The following ADCY8 variants were observed in gnomAD, a reference collection of about 807,000 sequenced individuals.
The protein encoded by ADCY8 is adenylate cyclase 8.
Under a neutral mutation model 119.7 loss-of-function variants are expected in ADCY8, and 51 were observed. That is an observed-to-expected ratio of 0.43 (90% CI 0.34 to 0.54). ADCY8 has a LOEUF of 0.54. ADCY8 is among the 20% of genes least tolerant of loss of function. The pLI is 0.03. For missense variants in ADCY8, 1,383 were observed against 1,598.8 expected (o/e 0.87, Z 2.30); for synonymous variants, 665 against 651.0 (o/e 1.02, Z -0.33).
At chr8:131,035,276 A>T in intron 1 of ADCY8, among the ~76,000 whole-genome samples, 1 of 152,298 alleles carries the variant, frequency 6.6e-6, no homozygotes, top group East Asian at 1.9e-4. Context: ...GCTAAGTCAG[A>T]GTGAAATAAA....
At chr8:130,918,291 C>T (rs989116833) in intron 5 of ADCY8, among the ~76,000 whole-genome samples, 1 of 152,158 alleles carries the variant, frequency 6.6e-6, no homozygotes, top group Non-Finnish European at 1.5e-5. Context: ...TGGCTGCCTT[C>T]CTACTGTGCC....
chr8:130,854,458 T>G (rs759417169), intron 9 of ADCY8, among the ~76,000 whole-genome samples: 7 of 152,206 alleles, frequency 4.6e-5, no homozygotes, highest in Non-Finnish European at 5.9e-5. Flanking sequence ...TAGCAGCTTG[T>G]GGTGCAATAG....
At chr8:131,018,561 G>A (rs1259656219) in intron 1 of ADCY8, among the ~76,000 whole-genome samples, 1 of 152,218 alleles carries the variant, frequency 6.6e-6, no homozygotes, top group Non-Finnish European at 1.5e-5. Flanking sequence ...CCATCATGAT[G>A]CTTTCCCTGC....
chr8:130,968,468 G>A (rs1460615531), intron 2 of ADCY8, among the ~76,000 whole-genome samples: 1 of 152,132 alleles, frequency 6.6e-6, no homozygotes, highest in Non-Finnish European at 1.5e-5. Context: ...ACCGCACCCG[G>A]CCAGTTATTC....
rs765672223 is a variant in ADCY8 at position 130,814,101 on chromosome 8, G to A, written c.2881C>T (p.Arg961Cys). The A allele has an allele frequency of 1.1e-4, 171 of 1,613,956 alleles. 2 individuals carry two copies. The highest frequency in any genetic ancestry group is 3.3e-4 in the Middle Eastern group (2 of 6,076). Reference protein sequence around the residue: ...LRNILPSHVARHFLEKDRDNE... With the variant: ...LRNILPSHVACHFLEKDRDNE... ...TCTCGGTCCTTCTCTAGGAAATGGCGGGCCACATGGCTGGGTAAGATATTC... is the reference window on the plus strand; with the variant it reads ...TCTCGGTCCTTCTCTAGGAAATGGCAGGCCACATGGCTGGGTAAGATATTC... The change falls in exon 14 of 18, where the codon CGC (arginine) becomes TGC (cysteine). Residue 961 changes from arginine to cysteine, a missense_variant. Arg to Cys is a radical substitution (Grantham distance 180). Transcript: ENST00000286355.
At chr8:130,813,758 T>C (rs566043017) in intron 14 of ADCY8, among the ~76,000 whole-genome samples, 1 of 152,346 alleles carries the variant, frequency 6.6e-6, no homozygotes, top group African/African-American at 2.4e-5. Flanking sequence ...GTGAAATTGT[T>C]GTGTATATAT....
chr8:130,830,658 C>T (rs1816807222), intron 12 of ADCY8, among the ~76,000 whole-genome samples: 1 of 152,204 alleles, frequency 6.6e-6, no homozygotes, highest in African/African-American at 2.4e-5. Context: ...CCCCAGACAA[C>T]ATAGCCACTT....
chr8:130,984,153 G>T (rs984598046), intron 2 of ADCY8, among the ~76,000 whole-genome samples: 5 of 152,044 alleles, frequency 3.3e-5, no homozygotes, highest in Non-Finnish European at 7.4e-5. Flanking sequence ...TCCCTGTGTG[G>T]GACAGAGGAG....
At chr8:130,930,900 C>G (rs1820611595) in intron 5 of ADCY8, among the ~76,000 whole-genome samples, 1 of 152,014 alleles carries the variant, frequency 6.6e-6, no homozygotes, top group Non-Finnish European at 1.5e-5. Flanking sequence ...AAGCTTTCTA[C>G]CCTTTTATCT....
At chr8:130,801,504 T>C (rs724366) in intron 14 of ADCY8, among the ~76,000 whole-genome samples, 38,967 of 152,112 alleles carry the variant, frequency 0.26, 5,027 homozygotes, top group East Asian at 0.28. Flanking sequence ...CTTTTCTTTC[T>C]CATTTCTTTC....
intron 3 of ADCY8, among the ~76,000 whole-genome samples, chr8:130,947,778 T>G (rs569631803): frequency 6.6e-6 from 1 of 152,266 alleles, no homozygotes; most frequent in South Asian, 2.1e-4. Context: ...TCAGCAAATG[T>G]GCAAATGTAC....
intron 5 of ADCY8, among the ~76,000 whole-genome samples, chr8:130,918,513 TA>T (rs1820198792): frequency 6.6e-6 from 1 of 152,286 alleles, no homozygotes; most frequent in East Asian, 1.9e-4. Flanking sequence ...CCTATTTTTT[TA>T]AAAAAACTAT....
At chr8:130,992,708 G>T (rs1822636802) in intron 1 of ADCY8, among the ~76,000 whole-genome samples, 1 of 151,724 alleles carries the variant, frequency 6.6e-6, no homozygotes, top group African/African-American at 2.4e-5. Context: ...AGCCACCACG[G>T]ACAGCCAAAA....
At chr8:130,835,782 G>A (rs1436927711) in intron 12 of ADCY8, among the ~76,000 whole-genome samples, 2 of 151,998 alleles carry the variant, frequency 1.3e-5, no homozygotes, top group Non-Finnish European at 2.9e-5. Context: ...TAAATGCTAT[G>A]TAAATAGTTG....
intron 8 of ADCY8, among the ~76,000 whole-genome samples, chr8:130,870,217 T>C (rs1191243224): frequency 1.3e-5 from 2 of 151,998 alleles, no homozygotes; most frequent in Non-Finnish European, 2.9e-5. Context: ...TTTCACCATG[T>C]TGACCAGGCT....
intron 4 of ADCY8, among the ~76,000 whole-genome samples, chr8:130,939,710 A>G (rs1251643987): frequency 6.6e-6 from 1 of 152,226 alleles, no homozygotes; most frequent in Non-Finnish European, 1.5e-5. Context: ...TGCCAAAATA[A>G]TCTATCTTGT....
Position 131,039,517 on chromosome 8 carries a change from A to T in ADCY8, c.817T>A (p.Tyr273Asn). 1.2e-6 allele frequency: 2 copies of T among 1,613,992 alleles called. No individual in the cohort carries two copies. The change falls in exon 1 of 18, where the codon TAC becomes AAC. Residue 273 changes from tyrosine to asparagine, a missense_variant. By Grantham distance (143) the Tyr-to-Asn change is moderately radical. Transcript: ENST00000286355. ...GTGGCGAAGAGCGTGAAGAGCACGT[A>T]GCCTATGCCGTCGCCCAGGAGCCCG... Reference protein sequence around the residue: ...GYGLLGDGIGYVLFTLFATYS... With the variant: ...GYGLLGDGIGNVLFTLFATYS...
At chr8:130,812,187 C>G (rs1816189974) in intron 14 of ADCY8, among the ~76,000 whole-genome samples, 1 of 152,190 alleles carries the variant, frequency 6.6e-6, no homozygotes, top group Non-Finnish European at 1.5e-5. Context: ...CCTATCCACT[C>G]TCTATCAGTA....
intron 1 of ADCY8, among the ~76,000 whole-genome samples, chr8:131,032,611 G>T (rs1227692102): frequency 2.6e-5 from 4 of 152,032 alleles, no homozygotes; most frequent in Non-Finnish European, 5.9e-5. Flanking sequence ...GGAATGTCTG[G>T]CATCTCCATA....
Sources: gnomAD v4.1 joint callset for allele counts (sites outside exome capture counted in the v4.1 genomes callset) on GRCh38, gnomAD v4.1.1 for gene constraint, MANE v1.5 for transcripts, NCBI Gene and HGNC (gene_info 2026-07-23, HGNC 2026-07-21) for gene names.